The following ADGRL2 variants were observed in gnomAD, a reference collection of about 807,000 sequenced individuals.
ADGRL2 encodes adhesion G protein-coupled receptor L2.
In ADGRL2, 44 loss-of-function variants were observed where a neutral mutation model predicts 157.4. The observed-to-expected ratio is 0.28, with a 90% CI of 0.22 to 0.36. The LOEUF (loss-of-function observed/expected upper bound fraction) is 0.36. ADGRL2 is among the 10% of genes least tolerant of loss of function. The pLI is 1.00. For synonymous variants in ADGRL2, 585 were observed against 624.7 expected, an observed-to-expected ratio of 0.94 and a Z score of 0.95; for missense variants, 1,510 against 1,768.9, an observed-to-expected ratio of 0.85 and a Z score of 2.63.
At chr1:81,888,528 T>A (rs1393705572) in intron 2 of ADGRL2, among the ~76,000 whole-genome samples, 1 of 152,178 alleles carries the variant, frequency 6.6e-6, no homozygotes. Context: ...AAGCTCTGCC[T>A]CCTGGGTTCA....
At chr1:81,514,225 T>G (rs1456315699) in intron 2 of ADGRL2, among the ~76,000 whole-genome samples, 3 of 152,176 alleles carry the variant, frequency 2.0e-5, no homozygotes, top group Admixed American at 6.5e-5. Flanking sequence ...ATGGTTGTTT[T>G]GGATTGCATA....
At position 81,326,353 on chromosome 1, in the gene ADGRL2, G is replaced by A. The variant is rs139530077; in HGVS notation, c.-302+19844G>A. Among the ~76,000 whole-genome samples, 31 of 152,294 alleles carry A rather than the reference G, an allele frequency of 2.0e-4. No individual in the cohort carries two copies. The East Asian group carries it at 4.1e-3, about 20-fold the overall frequency. On this transcript the variant is annotated intron_variant, in intron 1 of 24. Coordinates refer to the ADGRL2 transcript ENST00000370721. ...ATATCTAGAGCTCTTTAATAAGACC[G>A]TCTGTTAAGACTAGGGCAGTGACTG... is the stretch of plus-strand genomic sequence containing the variant.
Position 81,344,076 on chromosome 1 carries a change from A to AT in ADGRL2, c.-302+37572dup, listed in dbSNP as rs199780274. 8.6e-3 allele frequency among the ~76,000 whole-genome samples: 1,303 copies of AT among 152,080 alleles called. 20 individuals are homozygous for AT. Among genetic ancestry groups the AT allele is most frequent in the East Asian group, 0.074 (381 of 5,140 alleles). On this transcript the variant is annotated intron_variant, in intron 1 of 24. Transcript: ENST00000370721. Reference sequence around the variant, plus strand: ...GTCATTATATTACAAAGAAAAAAAAATTTTTCTTTTTGAGACAGAGTCTCC... The same window carrying AT: ...GTCATTATATTACAAAGAAAAAAAAATTTTTTCTTTTTGAGACAGAGTCTCC...
In ADGRL2 at chr1:81,450,662, T is replaced by C. The variant is rs577730250; in HGVS notation, c.-248+5573T>C. Among the ~76,000 whole-genome samples the C allele has an allele frequency of 3.3e-5, 5 of 152,112 alleles. No homozygotes were observed. In the South Asian group the frequency reaches 1.0e-3, roughly 32 times the overall value. On this transcript the variant is annotated intron_variant, in intron 2 of 24. Transcript: ENST00000370721. Reference sequence around the variant, plus strand: ...AGTTGACAGTTTTATTGCATGTATGTACATTAACATCAACCAATACTTATT... The same window carrying C: ...AGTTGACAGTTTTATTGCATGTATGCACATTAACATCAACCAATACTTATT...
chr1:81,422,969 A>G (rs976565929), intron 1 of ADGRL2, among the ~76,000 whole-genome samples: 2 of 152,168 alleles, frequency 1.3e-5, no homozygotes, highest in African/African-American at 4.8e-5. Flanking sequence ...TGCATTTACT[A>G]AAAAGGCTCC....
In ADGRL2 at chr1:81,990,229, C is replaced by T. The variant is rs369485373; in HGVS notation, c.3656-162C>T. 49 of 985,352 alleles carry T rather than the reference C, an allele frequency of 5.0e-5. 1 individual carries two copies. In the African/African-American group the frequency reaches 6.3e-4, roughly 13 times the overall value. 61.0% of individuals were successfully genotyped at this position (985,352 alleles called of 1,614,324 possible). On this transcript the variant is annotated intron_variant, in intron 23 of 23. Transcript: ENST00000686636. Reference sequence around the variant, plus strand: ...TTTCCTGTTATCTAAGGGGTTGCAACTATTTACAGTTGGGAATGCAGGAAA... The same window carrying T: ...TTTCCTGTTATCTAAGGGGTTGCAATTATTTACAGTTGGGAATGCAGGAAA...
At chr1:81,476,538 T>C (rs910014093) in intron 2 of ADGRL2, among the ~76,000 whole-genome samples, 11 of 152,242 alleles carry the variant, frequency 7.2e-5, no homozygotes, top group South Asian at 4.1e-4. Context: ...CCCAGATCCT[T>C]CTTCTCTTCT....
chr1:81,820,234 A>T (rs2090846162), intron 1 of ADGRL2, among the ~76,000 whole-genome samples: 1 of 152,218 alleles, frequency 6.6e-6, no homozygotes, highest in Admixed American at 6.6e-5. Flanking sequence ...ATCATCGATT[A>T]TAATGAAGAT....
At chr1:81,376,676 C>T (rs903622000) in intron 1 of ADGRL2, among the ~76,000 whole-genome samples, 16 of 151,892 alleles carry the variant, frequency 1.1e-4, no homozygotes, top group Non-Finnish European at 2.1e-4. Context: ...CAATTATCCA[C>T]CCCTCAATAT....
chr1:81,470,049 TG>T (rs2078138881), intron 2 of ADGRL2, among the ~76,000 whole-genome samples: 3 of 152,214 alleles, frequency 2.0e-5, no homozygotes, highest in Admixed American at 6.5e-5. Flanking sequence ...CTAGAGTTCC[TG>T]GAATTGCTTT....
intron 1 of ADGRL2, among the ~76,000 whole-genome samples, chr1:81,440,406 G>A (rs1291456703): frequency 6.6e-6 from 1 of 152,156 alleles, no homozygotes; most frequent in African/African-American, 2.4e-5. Flanking sequence ...AGTACTTAAA[G>A]GTTGGACATT....
chr1:81,754,529 C>CTT (rs2085608248), intron 1 of ADGRL2, among the ~76,000 whole-genome samples: 1 of 131,420 alleles, frequency 7.6e-6, no homozygotes, highest in African/African-American at 2.7e-5. Context: ...CTCCCTCTTT[C>CTT]TCTTTCTTTC....
chr1:81,422,770 T>C (rs2101555647), intron 1 of ADGRL2, among the ~76,000 whole-genome samples: 1 of 152,360 alleles, frequency 6.6e-6, no homozygotes, highest in Non-Finnish European at 1.5e-5. Context: ...CTGTCTTACA[T>C]ATGTGTGAGA....
chr1:81,522,161 C>T (rs138604296), intron 2 of ADGRL2, among the ~76,000 whole-genome samples: 12 of 151,978 alleles, frequency 7.9e-5, no homozygotes, highest in African/African-American at 2.2e-4. Flanking sequence ...GATGGGTTTT[C>T]GCCATGTTGG....
At chr1:81,878,927 T>G (rs1010261689) in intron 2 of ADGRL2, among the ~76,000 whole-genome samples, 2 of 152,240 alleles carry the variant, frequency 1.3e-5, no homozygotes, top group South Asian at 4.1e-4. Flanking sequence ...AAGTTAGCAC[T>G]TGTTTTAAAA....
chr1:81,960,465 G>C (rs1654976565), intron 11 of ADGRL2, among the ~76,000 whole-genome samples: 1 of 151,326 alleles, frequency 6.6e-6, no homozygotes, highest in African/African-American at 2.4e-5. Flanking sequence ...TTTATTTATT[G>C]TCTTTTTTTT....
chr1:81,954,589 G>A (rs1247867820), intron 10 of ADGRL2, among the ~76,000 whole-genome samples: 2 of 152,084 alleles, frequency 1.3e-5, no homozygotes. Context: ...AATGAATCTG[G>A]CCTCTGCAGA....
upstream of ADGRL2, among the ~76,000 whole-genome samples, chr1:81,696,025 T>G (rs1029625230): frequency 2.0e-5 from 3 of 152,120 alleles, no homozygotes; most frequent in Admixed American, 1.3e-4. Context: ...CCAGTGCTGC[T>G]TACCAGACCA....
At chr1:81,828,448 G>A (rs937593885) in intron 1 of ADGRL2, among the ~76,000 whole-genome samples, 4 of 151,962 alleles carry the variant, frequency 2.6e-5, no homozygotes, top group African/African-American at 9.7e-5. Flanking sequence ...TATATGTGGA[G>A]TAGCAATAAT....
Sources: gnomAD v4.1 joint callset for allele counts (sites outside exome capture counted in the v4.1 genomes callset) on GRCh38, gnomAD v4.1.1 for gene constraint, MANE v1.5 for transcripts, NCBI Gene and HGNC (gene_info 2026-07-23, HGNC 2026-07-21) for gene names.